The following CAMKK1 variants were observed in gnomAD, a reference collection of about 807,000 sequenced individuals.
The protein encoded by CAMKK1 is calcium/calmodulin dependent protein kinase kinase 1.
CAMKK1 carries 20 observed loss-of-function variants against 63.5 expected under a neutral mutation model. The observed-to-expected ratio is 0.32, with a 90% CI of 0.22 to 0.46. The LOEUF (loss-of-function observed/expected upper bound fraction) is 0.46. CAMKK1 is among the 20% of genes least tolerant of loss of function. The pLI is 1.00. For synonymous variants in CAMKK1, 253 were observed against 269.0 expected, an observed-to-expected ratio of 0.94 and a Z score of 0.58; for missense variants, 588 against 658.1, an observed-to-expected ratio of 0.89 and a Z score of 1.17.
Position 3,885,402 on chromosome 17 carries a change from C to A in CAMKK1, c.286G>T (p.Ala96Ser), listed in dbSNP as rs748003574. The A allele has an allele frequency of 6.2e-7, 1 of 1,611,246 alleles. No individual in the cohort carries two copies. The highest frequency in any genetic ancestry group is 8.5e-7 in the Non-Finnish European group (1 of 1,179,244). The change falls in exon 2 of 16, where the codon GCC becomes TCC. Residue 96 changes from alanine to serine, a missense_variant. Ala to Ser is a moderately conservative substitution (Grantham distance 99). Around this residue, in one of 3 missense-constraint regions of CAMKK1, gnomAD observed 357 missense variants for 407.4 expected, o/e 0.88. Transcript: ENST00000348335. ...CAGGCCCGGGGGGAGATGTGGCTGG[C>A]AGGCCCCGTGGCATAAGGCCCAGCC... The part of the protein sequence containing the change: ...AQAGPYATGP[A>S]SHISPRAWRR...
rs2054500785 is a variant in CAMKK1, at chr17:3,865,907, C to T, written c.1445+1G>A. On this transcript the variant is annotated splice_donor_variant, in intron 15 of 15. Transcript: ENST00000348335. LOFTEE classifies it high-confidence loss of function. The stretch of plus-strand genomic sequence containing the variant: ...GCAGTCCCTGGCCCACCAGTACTTA[C>T]ACCAGTAGGTTTCCTGGAGCAGACA... 6.2e-7 allele frequency: 1 copy of T among 1,614,052 alleles called. No individual in the cohort carries two copies. The highest frequency in any genetic ancestry group is 1.3e-5 in the African/African-American group (1 of 74,940).
chr17:3,873,701 T>C (rs2055009376), intron 10 of CAMKK1, among the ~76,000 whole-genome samples: 1 of 152,154 alleles, frequency 6.6e-6, no homozygotes, highest in South Asian at 2.1e-4. Flanking sequence ...GGAAAGACTC[T>C]AACCAGGTAC....
At chr17:3,870,469 C>T (rs372976197) in intron 12 of CAMKK1, among the ~76,000 whole-genome samples, 10,856 of 152,040 alleles carry the variant, frequency 0.071, 565 homozygotes, top group East Asian at 0.27. Flanking sequence ...AGGTTCATGC[C>T]ATTCTCCTGC....
At chr17:3,870,887 C>T (rs2054817723) in intron 12 of CAMKK1, among the ~76,000 whole-genome samples, 1 of 152,100 alleles carries the variant, frequency 6.6e-6, no homozygotes, top group Non-Finnish European at 1.5e-5. Flanking sequence ...GGAGGGAAGG[C>T]AACCACAGGA....
At position 3,890,509 on chromosome 17, in the gene CAMKK1, C is replaced by T. The variant is rs1261497977; in HGVS notation, c.-44+2430G>A. Among the ~76,000 whole-genome samples, 1 of 152,132 alleles carries T rather than the reference C, an allele frequency of 6.6e-6. No individual in the cohort carries two copies. The highest frequency in any genetic ancestry group is 1.9e-4 in the East Asian group (1 of 5,186). ...GTCCATGTTCCCGAGCAGCTCAGAT[C>T]CAACAGGCCCCAGATTCAACTCAGC... On this transcript the variant is annotated intron_variant, in intron 1 of 15. Coordinates refer to ENST00000348335, the MANE Select transcript of CAMKK1 (RefSeq NM_032294.3). The surrounding 1 kb of genome is among the most constrained non-coding windows in gnomAD (Gnocchi z 6.5).
chr17:3,862,403 C>A lies in CAMKK1; in HGVS notation c.1446-120G>T. ...CATCTCTCAAAGCCCCCTTCACCCACTGCCCCAAGCTTGGCCTCCCTCTGG... is the reference window on the plus strand; with the variant it reads ...CATCTCTCAAAGCCCCCTTCACCCAATGCCCCAAGCTTGGCCTCCCTCTGG... On this transcript the variant is annotated intron_variant, in intron 15 of 15. Transcript: ENST00000348335. This position sits in a 1 kb window ranked among gnomAD's most constrained non-coding sequence, Gnocchi z 4.1. 1 of 860,988 alleles carries A rather than the reference C, an allele frequency of 1.2e-6. No homozygotes were observed. Among genetic ancestry groups the A allele is most frequent in the South Asian group, 1.6e-5 (1 of 64,178 alleles). 53.3% of individuals were successfully genotyped at this position (860,988 alleles called of 1,614,324 possible).
At chr17:3,876,191 AACCCC>A in intron 10 of CAMKK1, 27 bp downstream of exon 10, 1 of 1,598,898 alleles carries the variant, frequency 6.3e-7, no homozygotes, top group Non-Finnish European at 8.5e-7. Context: ...CCCCCACTTG[AACCCC>A]AGCCTGGCCC....
rs545993558 is a variant in CAMKK1 at position 3,865,285 on chromosome 17, T to C, written c.1445+623A>G. On this transcript the variant is annotated intron_variant, in intron 15 of 15. Coordinates refer to ENST00000348335, the MANE Select transcript of CAMKK1 (RefSeq NM_032294.3). ...GTGAACCCACAGGCGTGGCTCACCA[T>C]AGGGAGCCCTCGGCCAATGCGGGTT... is the stretch of plus-strand genomic sequence containing the variant. 5.0e-4 allele frequency: 493 copies of C among 986,912 alleles called. 2 individuals are homozygous for C. In the African/African-American group the frequency reaches 7.6e-3, roughly 15 times the overall value. 61.1% of individuals were successfully genotyped at this position (986,912 alleles called of 1,614,324 possible).
At chr17:3,876,819 G>A (rs28610351) in intron 9 of CAMKK1, among the ~76,000 whole-genome samples, 21,480 of 149,284 alleles carry the variant, frequency 0.14, 2,825 homozygotes, top group African/African-American at 0.34. Flanking sequence ...GTGCAATGGC[G>A]TGATCTCGGC....
At chr17:3,876,179 G>GC (rs779113525) in intron 10 of CAMKK1, 44 bp downstream of exon 10, 53 of 1,571,358 alleles carry the variant, frequency 3.4e-5, no homozygotes, top group Admixed American at 5.2e-5. Context: ...AAGCTATTAC[G>GC]CCCCCCACTT....
In CAMKK1 at chr17:3,892,760, A is replaced by ACCCCGCAGACCCGG. The variant is rs905793212; in HGVS notation, c.-44+165_-44+178dup. Among the ~76,000 whole-genome samples the ACCCCGCAGACCCGG allele has an allele frequency of 1.3e-5, 2 of 151,438 alleles. No homozygotes were observed. Among genetic ancestry groups the ACCCCGCAGACCCGG allele is most frequent in the African/African-American group, 4.9e-5 (2 of 41,130 alleles). The stretch of plus-strand genomic sequence containing the variant: ...CAGACCCGAGCAGACTCCGCGAGGC[A>ACCCCGCAGACCCGG]CCCCGCAGACCCGGCCCCGCAGACA... On this transcript the variant is annotated intron_variant, in intron 1 of 15. Transcript: ENST00000348335. The surrounding 1 kb of genome is among the most constrained non-coding windows in gnomAD (Gnocchi z 7.5).
In CAMKK1 at chr17:3,884,181, C is replaced by T. The variant is rs3809804; in HGVS notation, c.408+199G>A. Among the ~76,000 whole-genome samples, 1,456 of 152,274 alleles carry T rather than the reference C, an allele frequency of 9.6e-3. 37 individuals are homozygous for T. The highest frequency in any genetic ancestry group is 0.055 in the Admixed American group (847 of 15,294). ...GTCCCTCCTTGTCCACTGTCAAGAA[C>T]TCAGAGAGTCGGGAATCAGGAGCCA... is the stretch of plus-strand genomic sequence containing the variant. On this transcript the variant is annotated intron_variant, in intron 3 of 15. Transcript: ENST00000348335. This position sits in a 1 kb window ranked among gnomAD's most constrained non-coding sequence, Gnocchi z 4.5.
At chr17:3,886,345 G>A (rs2055651104) in intron 1 of CAMKK1, among the ~76,000 whole-genome samples, 1 of 152,150 alleles carries the variant, frequency 6.6e-6, no homozygotes, top group Admixed American at 6.5e-5. Context: ...CAAAACAAGG[G>A]GATGGGCCCC....
intron 7 of CAMKK1, 126 bp from the exon 8 acceptor site, chr17:3,881,774 C>G: frequency 1.2e-6 from 1 of 821,310 alleles, no homozygotes; most frequent in Non-Finnish European, 2.0e-6. Context: ...AGGGACAGGA[C>G]AGGGGACCCT....
At chr17:3,872,933 G>A (rs569460696) in intron 11 of CAMKK1, among the ~76,000 whole-genome samples, 37 of 152,320 alleles carry the variant, frequency 2.4e-4, no homozygotes, top group African/African-American at 8.7e-4. Context: ...CCAGGGCCTG[G>A]GGCTTGGGAA....
At chr17:3,867,317 A>ACGTG (rs2054570066) in intron 14 of CAMKK1, among the ~76,000 whole-genome samples, 1 of 152,156 alleles carries the variant, frequency 6.6e-6, no homozygotes, top group African/African-American at 2.4e-5. Context: ...CTTCCATGGC[A>ACGTG]CGTGGCCAGA....
At chr17:3,871,641 C>T (rs1458352466) in intron 12 of CAMKK1, among the ~76,000 whole-genome samples, 4 of 148,652 alleles carry the variant, frequency 2.7e-5, no homozygotes, top group African/African-American at 7.6e-5. Flanking sequence ...CAGGTGTGAG[C>T]CGCCGCACCC....
chr17:3,885,137 A>G (rs1312754810), intron 2 of CAMKK1, among the ~76,000 whole-genome samples, 191 bp downstream of exon 2: 1 of 152,024 alleles, frequency 6.6e-6, no homozygotes, highest in Non-Finnish European at 1.5e-5. Context: ...GGACTTAGGG[A>G]AGGCAGCCTT....
At chr17:3,870,644 C>T (rs184597843) in intron 12 of CAMKK1, among the ~76,000 whole-genome samples, 183 of 152,242 alleles carry the variant, frequency 1.2e-3, no homozygotes, top group African/African-American at 4.1e-3. Flanking sequence ...GGATTACAGG[C>T]GTGAGCCACC....
Sources: allele counts gnomAD v4.1 joint callset (sites outside exome capture counted in the v4.1 genomes callset), GRCh38; gene constraint gnomAD v4.1.1; regional missense constraint gnomAD v4.1.1; non-coding constraint Gnocchi (gnomAD v3.1); transcripts MANE v1.5; gene names NCBI Gene and HGNC (gene_info 2026-07-23, HGNC 2026-07-21).